The following SAG variants were observed in gnomAD, a reference collection of about 807,000 sequenced individuals.
SAG encodes S-arrestin.
In SAG, 45 loss-of-function variants were observed where a neutral mutation model predicts 55.0. The observed-to-expected ratio is 0.82, with a 90% CI of 0.64 to 1.05. The LOEUF (loss-of-function observed/expected upper bound fraction) is 1.05. Among genes scored for constraint, SAG ranks in the 50% least tolerant of loss-of-function variants. SAG has a pLI of 0.00. For missense variants in SAG, 455 were observed against 512.1 expected, an observed-to-expected ratio of 0.89 and a Z score of 1.08; for synonymous variants, 189 against 197.4, an observed-to-expected ratio of 0.96 and a Z score of 0.36.
At chr2:233,339,964 C>CT (rs35781383) in intron 12 of SAG, among the ~76,000 whole-genome samples, 66,018 of 146,390 alleles carry the variant, frequency 0.45, 15,834 homozygotes, top group South Asian at 0.6. Context: ...GCCCAGCCAA[C>CT]TTTTTTTTTT....
intron 6 of SAG, among the ~76,000 whole-genome samples, chr2:233,324,833 A>C (rs1365870405): frequency 1.3e-5 from 2 of 152,184 alleles, no homozygotes; most frequent in Non-Finnish European, 2.9e-5. Context: ...TGACAAGGGC[A>C]GTGTTTTTGT....
intron 6 of SAG, among the ~76,000 whole-genome samples, chr2:233,323,334 C>T (rs1457408652): frequency 1.3e-5 from 2 of 151,972 alleles, no homozygotes; most frequent in Admixed American, 1.3e-4. Flanking sequence ...GCTGGGATTA[C>T]AGGTGTGAGC....
rs2241874 is a variant in SAG at position 233,338,981 on chromosome 2, T to C, written c.1022+228T>C. 414,627 of 635,740 alleles carry C rather than the reference T, an allele frequency of 0.65. 138,585 individuals are homozygous for C. Among genetic ancestry groups the C allele is most frequent in the African/African-American group, 0.78 (43,620 of 55,570 alleles). The allele number at this position is 635,740 out of a possible 1,614,324, so 39.4% of individuals were successfully genotyped here. On this transcript the variant is annotated intron_variant, in intron 12 of 15. Coordinates refer to ENST00000409110, the MANE Select transcript of SAG (RefSeq NM_000541.5). ...AGAAGCAGACTCTGAAATGTGTGCA[T>C]TCTTAGCGCCACTTTGCAAAAATAC...
intron 8 of SAG, 72 bp downstream of exon 8, chr2:233,328,685 C>A: frequency 6.8e-7 from 1 of 1,477,076 alleles, no homozygotes; most frequent in South Asian, 1.3e-5. Flanking sequence ...CTCTCTTCAC[C>A]AGCCCCAGCC....
At chr2:233,341,792 G>A (rs554659833) in intron 13 of SAG, among the ~76,000 whole-genome samples, 18 of 152,238 alleles carry the variant, frequency 1.2e-4, no homozygotes, top group African/African-American at 2.9e-4. Flanking sequence ...GCATAACAGC[G>A]TAAATGTATT....
chr2:233,346,251 A>G, intron 14 of SAG, 152 bp from the exon 15 acceptor site: 3 of 758,006 alleles, frequency 4.0e-6, no homozygotes, highest in Non-Finnish European at 6.9e-6. Flanking sequence ...ACACGCAGTG[A>G]TCATGAACTG....
chr2:233,307,831 G>A lies in SAG; in HGVS notation c.-220G>A, dbSNP rs1699986657. On this transcript the variant is annotated 5_prime_UTR_variant, in exon 1 of 16. Transcript: ENST00000409110. ...TTTAGACATTGAGACCTGGATGCTGGGCATCCTCGCTAGATCCCCTACAAA... is the reference window on the plus strand; with the variant it reads ...TTTAGACATTGAGACCTGGATGCTGAGCATCCTCGCTAGATCCCCTACAAA... 1 of 152,342 alleles carries A rather than the reference G, an allele frequency of 6.6e-6. No homozygotes were observed. The highest frequency in any genetic ancestry group is 1.5e-5 in the Non-Finnish European group (1 of 68,060). 9.4% of individuals were successfully genotyped at this position (152,342 alleles called of 1,614,324 possible). A position where few individuals can be genotyped will look rare whatever the true frequency, so the allele number is the denominator to read the frequency against.
chr2:233,342,429 T>A lies in SAG; in HGVS notation c.1102+103T>A, dbSNP rs1319773825. On this transcript the variant is annotated intron_variant, in intron 14 of 15. Transcript: ENST00000409110. ...TTGACCGCATCTCAGAGCATGGGAG[T>A]GGCCAGGTGTAAGAGATTCCATGTG... 4 of 927,048 alleles carry A rather than the reference T, an allele frequency of 4.3e-6. No individual in the cohort carries two copies. In the African/African-American group the frequency reaches 4.9e-5, roughly 11 times the overall value. The allele number at this position is 927,048 out of a possible 1,614,324, so 57.4% of individuals were successfully genotyped here. A position where few individuals can be genotyped will look rare whatever the true frequency, so the allele number is the denominator to read the frequency against.
intron 3 of SAG, among the ~76,000 whole-genome samples, chr2:233,316,931 G>A (rs923519636): frequency 1.3e-5 from 2 of 152,142 alleles, no homozygotes; most frequent in African/African-American, 4.8e-5. Context: ...GCGAGATCTT[G>A]GCTCACTGCA....
At position 233,318,759 on chromosome 2, in the gene SAG, G is replaced by C. The variant is rs151281271; in HGVS notation, c.145G>C (p.Val49Leu). ...VSQVQPVDGV[V>L]LVDPDLVKGK... ...TCCCTCTTTTGCCTTAGATGGTGTCGTGTTGGTTGATCCTGATCTTGTGAA... is the reference window on the plus strand; with the variant it reads ...TCCCTCTTTTGCCTTAGATGGTGTCCTGTTGGTTGATCCTGATCTTGTGAA... The change falls in exon 4 of 16, where the codon GTG becomes CTG. Residue 49 changes from valine (V) to leucine (L), a missense_variant. By Grantham distance (32) the Val-to-Leu change is conservative. Coordinates refer to ENST00000409110, the MANE Select transcript of SAG (RefSeq NM_000541.5). 6.2e-7 allele frequency: 1 copy of C among 1,613,672 alleles called. No individual in the cohort carries two copies. Among genetic ancestry groups the C allele is most frequent in the Non-Finnish European group, 8.5e-7 (1 of 1,179,714 alleles).
At chr2:233,317,841 A>G (rs1385040783) in intron 3 of SAG, among the ~76,000 whole-genome samples, 1 of 152,238 alleles carries the variant, frequency 6.6e-6, no homozygotes, top group Non-Finnish European at 1.5e-5. Context: ...AGATGTATGT[A>G]TGTGAGTATG....
Position 233,328,544 on chromosome 2 carries a change from A to G in SAG, c.579A>G (p.Arg193=), listed in dbSNP as rs1484208099. ...HAPLEMGPQP[R]AEAAWQFFMS... ...CACTTGAGATGGGTCCCCAGCCCCG[A>G]GCTGAGGCGGCCTGGCAGTTCTTCA... The change falls in exon 8 of 16, where the codon CGA becomes CGG. Residue 193 remains arginine (R), a synonymous_variant. Transcript: ENST00000409110. 3 of 1,613,780 alleles carry G rather than the reference A, an allele frequency of 1.9e-6. No individual in the cohort carries two copies. The highest frequency in any genetic ancestry group is 1.7e-5 in the Admixed American group (1 of 59,984).
At chr2:233,346,764 C>T (rs1360008122) in intron 15 of SAG, 43 bp from the exon 16 acceptor site, 1 of 1,280,320 alleles carries the variant, frequency 7.8e-7, no homozygotes, top group African/African-American at 1.5e-5. Context: ...GTTTCAGCTT[C>T]AAAGGGCGTG....
At chr2:233,326,276 C>T (rs77426202) in intron 6 of SAG, among the ~76,000 whole-genome samples, 11,234 of 152,140 alleles carry the variant, frequency 0.074, 507 homozygotes, top group Admixed American at 0.11. Context: ...CCAAATTCCA[C>T]GTGAAGTTTC....
At position 233,322,940 on chromosome 2, in the gene SAG, CCA is replaced by C. The variant is rs1416437325; in HGVS notation, c.376-3_376-2del. 1.4e-5 allele frequency: 21 copies of C among 1,539,384 alleles called. No homozygotes were observed. Among genetic ancestry groups the C allele is most frequent in the Admixed American group, 1.9e-5 (1 of 53,112 alleles). On this transcript the variant is annotated splice_region_variant and splice_polypyrimidine_tract_variant and intron_variant, in intron 5 of 15. Transcript: ENST00000409110. ...TAAATGATTTTTTATTTGTTTCTTT[CCA>C]CAGTTTCCTGACTACTTGCCCTGTT... is the stretch of plus-strand genomic sequence containing the variant.
chr2:233,345,221 A>C (rs1010021085), intron 14 of SAG: 5 of 152,262 alleles, frequency 3.3e-5, no homozygotes, highest in Non-Finnish European at 7.3e-5. Context: ...ATGTGAAAAC[A>C]TAACTCAACA....
intron 2 of SAG, among the ~76,000 whole-genome samples, chr2:233,314,852 G>GATTT (rs1700174604): frequency 6.6e-6 from 1 of 152,188 alleles, no homozygotes; most frequent in South Asian, 2.1e-4. Context: ...CAACAAAAAT[G>GATTT]ATTTAGGCCG....
chr2:233,315,451 C>A (rs1443371993), intron 2 of SAG, among the ~76,000 whole-genome samples: 2 of 151,712 alleles, frequency 1.3e-5, no homozygotes, highest in Non-Finnish European at 2.9e-5. Flanking sequence ...TACCATCATG[C>A]CCAGCTAATT....
intron 11 of SAG, among the ~76,000 whole-genome samples, chr2:233,335,575 GTTCATTCA>G (rs3838576): frequency 1.3e-5 from 2 of 151,388 alleles, no homozygotes; most frequent in Non-Finnish European, 3.0e-5. Context: ...TCTTGGCTGT[GTTCATTCA>G]TTCATTCATT....
Sources: allele counts gnomAD v4.1 joint callset (sites outside exome capture counted in the v4.1 genomes callset), GRCh38; gene constraint gnomAD v4.1.1; transcripts MANE v1.5; gene names NCBI Gene and HGNC (gene_info 2026-07-23, HGNC 2026-07-21).